Variants in OSBPL8 observed in about 807,000 individuals in gnomAD.
OSBPL8 encodes the protein oxysterol binding protein like 8, also known as oxysterol-binding protein-related protein 8.
A neutral mutation model predicts 125.5 loss-of-function variants in OSBPL8; 59 were observed. That is an observed-to-expected ratio of 0.47 (90% confidence interval 0.38 to 0.58). The LOEUF is 0.58. Among genes scored for constraint, OSBPL8 ranks in the 20% least tolerant of loss-of-function variants. The pLI is 0.00. For synonymous variants in OSBPL8, 330 were observed against 338.9 expected (o/e 0.97, Z 0.29); for missense variants, 758 against 1,047.8 (o/e 0.72, Z 3.82).
At position 76,422,914 on chromosome 12, in the gene OSBPL8, CTAA is replaced by C. The variant is rs1443592719; in HGVS notation, c.218-12283_218-12281del. ...CTGATAAACATGAAAGGCTATTCTACTAATGTTTTACCTTTTTATCAAACCACC... is the reference window on the plus strand; with the variant it reads ...CTGATAAACATGAAAGGCTATTCTACTGTTTTACCTTTTTATCAAACCACC... On this transcript the variant is annotated intron_variant, in intron 4 of 23. Transcript: ENST00000261183. The C allele has an allele frequency of 1.5e-5, 3 of 202,692 alleles. No individual in the cohort carries two copies. In the Admixed American group the frequency reaches 1.5e-4, roughly 10 times the overall value. The allele number at this position is 202,692 out of a possible 1,614,324, so 12.6% of individuals were successfully genotyped here.
intron 1 of OSBPL8, among the ~76,000 whole-genome samples, chr12:76,547,129 T>C (rs1950803499): frequency 6.6e-6 from 1 of 152,100 alleles, no homozygotes; most frequent in African/African-American, 2.4e-5. Context: ...AGACACACAT[T>C]CCAATAGTCA....
intron 1 of OSBPL8, among the ~76,000 whole-genome samples, chr12:76,496,575 T>C (rs957731629): frequency 1.3e-5 from 2 of 151,602 alleles, no homozygotes; most frequent in Non-Finnish European, 2.9e-5. Context: ...AGTTTCGCTC[T>C]TGTTGCCCAG....
chr12:76,440,652 A>G (rs966424806), intron 4 of OSBPL8, among the ~76,000 whole-genome samples: 8 of 152,218 alleles, frequency 5.3e-5, no homozygotes, highest in African/African-American at 1.9e-4. Context: ...CATTTCACCT[A>G]GAATCAAGAC....
chr12:76,399,742 T>C (rs570648730), intron 7 of OSBPL8, 131 bp downstream of exon 7: 1 of 580,438 alleles, frequency 1.7e-6, no homozygotes, highest in East Asian at 3.0e-5. Context: ...ACAATAATAG[T>C]TTCTTTGCCA....
intron 21 of OSBPL8, among the ~76,000 whole-genome samples, chr12:76,362,126 A>G (rs1241843441): frequency 6.6e-6 from 1 of 152,202 alleles, no homozygotes; most frequent in Non-Finnish European, 1.5e-5. Context: ...GAGGCTTAAA[A>G]TTTTGTAACA....
rs1374049155 is a variant in OSBPL8, at chr12:76,354,021, T to G, written c.*1868A>C. ...ACAAGGTTTACTGATGAAATGATTT[T>G]TGTGATAAGCCAATCAATTTGTATG... On this transcript the variant is annotated 3_prime_UTR_variant, in exon 24 of 24. Coordinates refer to ENST00000261183, the MANE Select transcript of OSBPL8 (RefSeq NM_020841.5). The G allele has an allele frequency of 6.6e-6, 1 of 152,350 alleles. No homozygotes were observed. Among genetic ancestry groups the G allele is most frequent in the African/African-American group, 2.4e-5 (1 of 41,428 alleles). 9.4% of individuals were successfully genotyped at this position (152,350 alleles called of 1,614,324 possible).
chr12:76,535,439 A>T (rs1470741681), intron 1 of OSBPL8, among the ~76,000 whole-genome samples: 2 of 152,172 alleles, frequency 1.3e-5, no homozygotes, highest in Non-Finnish European at 2.9e-5. Flanking sequence ...TGTTAATTAA[A>T]TTTTTTTAAC....
chr12:76,486,300 AAAC>A lies in OSBPL8; in HGVS notation c.42+1207_42+1209del, dbSNP rs566049941. Among the ~76,000 whole-genome samples, 296 of 152,296 alleles carry A rather than the reference AAAC, an allele frequency of 1.9e-3. 1 individual carries two copies. The highest frequency in any genetic ancestry group is 6.8e-3 in the African/African-American group (281 of 41,554). ...GGACATTCACTAAACTAAAATTTAC[AAAC>A]ACCGCAATCTAATAGTGACTCTCAA... On this transcript the variant is annotated intron_variant, in intron 2 of 23. Coordinates refer to ENST00000261183, the MANE Select transcript of OSBPL8 (RefSeq NM_020841.5).
At chr12:76,413,481 G>A (rs1200551997) in intron 4 of OSBPL8, among the ~76,000 whole-genome samples, 2 of 152,222 alleles carry the variant, frequency 1.3e-5, no homozygotes, top group African/African-American at 2.4e-5. Flanking sequence ...GAAATGTATC[G>A]TGGTAGACAC....
In OSBPL8 at chr12:76,359,703, T is replaced by C. The variant is rs546317211; in HGVS notation, c.2329-892A>G. On this transcript the variant is annotated intron_variant, in intron 21 of 23. Coordinates refer to ENST00000261183, the MANE Select transcript of OSBPL8 (RefSeq NM_020841.5). ...CAGATGGCAAAAGGCACTTCTTACA[T>C]TGTGGCAGCAAGAGAGAATGAGGAA... Among the ~76,000 whole-genome samples, 17 of 152,264 alleles carry C rather than the reference T, an allele frequency of 1.1e-4. No individual in the cohort carries two copies. The South Asian group carries it at 2.9e-3, about 26-fold the overall frequency.
chr12:76,503,097 T>C (rs548752767), intron 1 of OSBPL8, among the ~76,000 whole-genome samples: 5 of 152,310 alleles, frequency 3.3e-5, no homozygotes, highest in Admixed American at 1.3e-4. Context: ...AGTTGTACCG[T>C]TGGGTGGAAG....
chr12:76,497,596 C>T (rs1290426336), intron 1 of OSBPL8, among the ~76,000 whole-genome samples: 1 of 152,098 alleles, frequency 6.6e-6, no homozygotes, highest in Non-Finnish European at 1.5e-5. Flanking sequence ...CAGTATGTTC[C>T]CTGTATGTTT....
intron 1 of OSBPL8, among the ~76,000 whole-genome samples, chr12:76,511,810 C>A (rs374459704): frequency 1.3e-5 from 2 of 152,130 alleles, no homozygotes; most frequent in East Asian, 3.9e-4. Flanking sequence ...GTTCCTATGT[C>A]CTGGATGGTA....
At chr12:76,455,754 A>C (rs1200891143) in intron 3 of OSBPL8, among the ~76,000 whole-genome samples, 1 of 152,236 alleles carries the variant, frequency 6.6e-6, no homozygotes, top group Non-Finnish European at 1.5e-5. Flanking sequence ...TCAGTTACAT[A>C]ATAGTAGACT....
intron 1 of OSBPL8, among the ~76,000 whole-genome samples, chr12:76,521,501 C>G (rs965040926): frequency 6.6e-6 from 1 of 152,080 alleles, no homozygotes. Flanking sequence ...CATTTGTACA[C>G]CCATGTTCAC....
At chr12:76,432,916 C>T (rs1400272925) in intron 4 of OSBPL8, among the ~76,000 whole-genome samples, 2 of 152,062 alleles carry the variant, frequency 1.3e-5, no homozygotes, top group East Asian at 3.8e-4. Flanking sequence ...ACACTATGGT[C>T]AAATGGCATG....
intron 2 of OSBPL8, among the ~76,000 whole-genome samples, chr12:76,470,495 T>C (rs1196434041): frequency 1.3e-5 from 2 of 152,254 alleles, no homozygotes; most frequent in Non-Finnish European, 2.9e-5. Context: ...GCATTTCAAT[T>C]GTCAATCTGA....
At chr12:76,399,589 C>T (rs1328760468) in intron 7 of OSBPL8, among the ~76,000 whole-genome samples, 5 of 152,124 alleles carry the variant, frequency 3.3e-5, no homozygotes, top group Admixed American at 1.3e-4. Flanking sequence ...GTATTTTTTA[C>T]AGCATATTGT....
chr12:76,525,285 G>A (rs1950142345), intron 1 of OSBPL8, among the ~76,000 whole-genome samples: 1 of 152,062 alleles, frequency 6.6e-6, no homozygotes, highest in Non-Finnish European at 1.5e-5. Context: ...GTTTATATAT[G>A]AAAAAGAGTA....
Sources: gnomAD v4.1 joint callset for allele counts (sites outside exome capture counted in the v4.1 genomes callset) on GRCh38, gnomAD v4.1.1 for gene constraint, MANE v1.5 for transcripts, NCBI Gene and HGNC (gene_info 2026-07-23, HGNC 2026-07-21) for gene names.